Variants in GALNTL6 observed in about 807,000 individuals in gnomAD.
The protein encoded by GALNTL6 is polypeptide N-acetylgalactosaminyltransferase-like 6.
A neutral mutation model predicts 73.7 loss-of-function variants in GALNTL6; 46 were observed. That is an observed-to-expected ratio of 0.62 (90% CI 0.49 to 0.80). The LOEUF is 0.80. GALNTL6 is among the 30% of genes least tolerant of loss of function. GALNTL6 has a pLI of 0.00. For missense variants in GALNTL6, 604 were observed against 755.0 expected (o/e 0.80, Z 2.34); for synonymous variants, 259 against 263.7 (o/e 0.98, Z 0.17).
intron 2 of GALNTL6, among the ~76,000 whole-genome samples, chr4:172,166,634 C>A (rs1040574578): frequency 3.9e-5 from 6 of 152,088 alleles, no homozygotes; most frequent in African/African-American, 1.2e-4. Context: ...ATCAGATTCA[C>A]CTTCCTACCA....
chr4:172,870,150 C>G (rs748803051), intron 7 of GALNTL6, among the ~76,000 whole-genome samples: 5 of 152,064 alleles, frequency 3.3e-5, no homozygotes, highest in Non-Finnish European at 5.9e-5. Context: ...TCCCTGGGAA[C>G]CACAAGAACA....
At chr4:172,142,836 G>A (rs1468958933) in intron 2 of GALNTL6, among the ~76,000 whole-genome samples, 1 of 151,804 alleles carries the variant, frequency 6.6e-6, no homozygotes, top group Non-Finnish European at 1.5e-5. Context: ...TTAACCAGGG[G>A]GAGTGGATTT....
At chr4:172,741,102 G>A (rs910648739) in intron 5 of GALNTL6, among the ~76,000 whole-genome samples, 10 of 151,696 alleles carry the variant, frequency 6.6e-5, no homozygotes, top group Non-Finnish European at 1.5e-4. Flanking sequence ...TTGAATCATT[G>A]ACCTTAAAAT....
At chr4:171,965,704 T>A (rs1426125346) in intron 2 of GALNTL6, among the ~76,000 whole-genome samples, 1 of 148,694 alleles carries the variant, frequency 6.7e-6, no homozygotes, top group Admixed American at 6.7e-5. Context: ...TAATACCATA[T>A]GAATTACACC....
intron 5 of GALNTL6, among the ~76,000 whole-genome samples, chr4:172,439,350 T>C (rs1039191161): frequency 3.3e-5 from 5 of 152,052 alleles, no homozygotes; most frequent in African/African-American, 1.2e-4. Flanking sequence ...TCATGTCTTA[T>C]TTGAACTGTA....
chr4:172,044,069 T>C (rs1177243932), intron 2 of GALNTL6, among the ~76,000 whole-genome samples: 1 of 151,826 alleles, frequency 6.6e-6, no homozygotes, highest in East Asian at 1.9e-4. Context: ...AGGAGTTTGG[T>C]TAAGATCTCT....
At chr4:172,913,729 A>G (rs529322961) in intron 8 of GALNTL6, among the ~76,000 whole-genome samples, 2 of 152,328 alleles carry the variant, frequency 1.3e-5, no homozygotes, top group East Asian at 3.9e-4. Context: ...CCTCCAAGAA[A>G]TGTGGGACTA....
chr4:172,237,844 A>G (rs1737291226), intron 3 of GALNTL6, among the ~76,000 whole-genome samples: 1 of 152,146 alleles, frequency 6.6e-6, no homozygotes, highest in Non-Finnish European at 1.5e-5. Flanking sequence ...TTAAATAGGG[A>G]GTCCTTTCCC....
intron 5 of GALNTL6, among the ~76,000 whole-genome samples, chr4:172,608,288 A>G (rs919117980): frequency 1.3e-5 from 2 of 152,058 alleles, no homozygotes; most frequent in African/African-American, 2.4e-5. Context: ...GTCACTATGC[A>G]CCTTGAGTTA....
intron 2 of GALNTL6, among the ~76,000 whole-genome samples, chr4:172,084,005 A>G (rs775761631): frequency 6.6e-6 from 1 of 152,214 alleles, no homozygotes; most frequent in Non-Finnish European, 1.5e-5. Flanking sequence ...ATAGGATTCA[A>G]AATAAGTCAG....
chr4:171,860,836 C>G (rs1735812146), intron 2 of GALNTL6, among the ~76,000 whole-genome samples: 1 of 152,128 alleles, frequency 6.6e-6, no homozygotes, highest in African/African-American at 2.4e-5. Context: ...TGTGGCTTTT[C>G]TGACATTACA....
At position 172,808,800 on chromosome 4, in the gene GALNTL6, G is replaced by A. The variant is rs562242066; in HGVS notation, c.554-561G>A. On this transcript the variant is annotated intron_variant, in intron 5 of 12. Transcript: ENST00000506823. ...CAAACGACTGTATAGTATTTCATCTGCAGCCAGTCACCTTTCCACTTCAAA... is the reference window on the plus strand; with the variant it reads ...CAAACGACTGTATAGTATTTCATCTACAGCCAGTCACCTTTCCACTTCAAA... Among the ~76,000 whole-genome samples, 33 of 152,258 alleles carry A rather than the reference G, an allele frequency of 2.2e-4. No homozygotes were observed. The South Asian group carries it at 6.0e-3, about 28-fold the overall frequency.
intron 2 of GALNTL6, among the ~76,000 whole-genome samples, chr4:171,940,864 T>TAAAA (rs35996530): frequency 0.23 from 32,960 of 142,052 alleles, 4,493 homozygotes; most frequent in Non-Finnish European, 0.29. Flanking sequence ...AATAAATAAA[T>TAAAA]ATATAAGTCA....
chr4:172,690,471 G>A (rs1733200739), intron 5 of GALNTL6, among the ~76,000 whole-genome samples: 1 of 152,098 alleles, frequency 6.6e-6, no homozygotes, highest in South Asian at 2.1e-4. Context: ...TAATTGAGTG[G>A]TAGATTTTAA....
chr4:172,501,612 T>A (rs992315438), intron 5 of GALNTL6, among the ~76,000 whole-genome samples: 1 of 152,130 alleles, frequency 6.6e-6, no homozygotes, highest in African/African-American at 2.4e-5. Flanking sequence ...CATATCTAGA[T>A]CCCTATTTCA....
At chr4:173,010,689 G>A (rs757810990) in intron 11 of GALNTL6, among the ~76,000 whole-genome samples, 1 of 151,870 alleles carries the variant, frequency 6.6e-6, no homozygotes, top group African/African-American at 2.4e-5. Flanking sequence ...CCGACTCCCT[G>A]GTTCAAACGA....
chr4:171,877,034 C>T (rs1234320931), intron 2 of GALNTL6, among the ~76,000 whole-genome samples: 2 of 152,102 alleles, frequency 1.3e-5, no homozygotes, highest in Admixed American at 1.3e-4. Context: ...TACTCGACCG[C>T]CCTCATTAGG....
At chr4:171,867,723 G>C (rs1327642014) in intron 2 of GALNTL6, among the ~76,000 whole-genome samples, 1 of 152,144 alleles carries the variant, frequency 6.6e-6, no homozygotes, top group Non-Finnish European at 1.5e-5. Flanking sequence ...TTCAGATGCA[G>C]TCCACAATTT....
intron 2 of GALNTL6, among the ~76,000 whole-genome samples, chr4:171,945,498 G>T (rs576010093): frequency 6.6e-6 from 1 of 152,158 alleles, no homozygotes; most frequent in East Asian, 1.9e-4. Context: ...TAAAATCAAA[G>T]TTGAAAATCA....
Sources: gnomAD v4.1 joint callset for allele counts (sites outside exome capture counted in the v4.1 genomes callset) on GRCh38, gnomAD v4.1.1 for gene constraint, MANE v1.5 for transcripts, NCBI Gene and HGNC (gene_info 2026-07-23, HGNC 2026-07-21) for gene names.